LAMA2: variants seen among roughly 807,000 people sequenced by gnomAD.
The protein encoded by LAMA2 is laminin subunit alpha-2.
Under a neutral mutation model 364.8 loss-of-function variants are expected in LAMA2, and 269 were observed. The ratio of observed to expected loss-of-function variants is 0.74; its 90% CI spans 0.67 to 0.82. The LOEUF is 0.82. LAMA2 is among the 40% of genes least tolerant of loss of function. The pLI is 0.00. For synonymous variants in LAMA2, 1,379 were observed against 1,370.6 expected, an observed-to-expected ratio of 1.01 and a Z score of -0.14; for missense variants, 3,807 against 3,873.2, an observed-to-expected ratio of 0.98 and a Z score of 0.45.
rs189745114 is a variant in LAMA2, at chr6:129,510,989, A to G, written c.8858-1374A>G. ...AGATGGCTGGCATTCTCTTAGTCAA[A>G]TTTTATGACAAGTTTCAGCTTCAGC... On this transcript the variant is annotated intron_variant, in intron 62 of 64. Transcript: ENST00000421865. Among the ~76,000 whole-genome samples the G allele has an allele frequency of 3.9e-5, 6 of 152,256 alleles. No homozygotes were observed. The East Asian group carries it at 1.2e-3, about 29-fold the overall frequency.
intron 9 of LAMA2, among the ~76,000 whole-genome samples, chr6:129,172,823 G>C (rs1780287315): frequency 6.6e-6 from 1 of 152,252 alleles, no homozygotes. Context: ...CAATCAGCGA[G>C]ACTCCATGGG....
intron 8 of LAMA2, among the ~76,000 whole-genome samples, chr6:129,156,522 T>TC (rs112812762): frequency 0.023 from 3,422 of 149,768 alleles, 128 homozygotes; most frequent in African/African-American, 0.08. Flanking sequence ...ATCCTTAATT[T>TC]CTTTTTTTTT....
At chr6:129,036,017 G>A (rs1786617446) in intron 1 of LAMA2, among the ~76,000 whole-genome samples, 1 of 152,060 alleles carries the variant, frequency 6.6e-6, no homozygotes, top group South Asian at 2.1e-4. Flanking sequence ...CTAATTCTGT[G>A]AAAAATGACA....
Position 129,315,858 on chromosome 6 carries a change from G to T in LAMA2, c.3832G>T (p.Gly1278Cys), listed in dbSNP as rs571035066. Residue 1278 changes from glycine to cysteine, a missense_variant, in exon 26 of 65, where the codon GGT becomes TGT. This residue lies in a region of LAMA2 where 3,333 missense variants were observed against 3,345.7 expected (regional missense o/e 1.00). Transcript: ENST00000421865. ...STYNPQVIIR[G>C]GTPTHARIIV... ...ATATAATCCTCAAGTGATCATTCGA[G>T]GTGGGACACCTACTCATGCTAGAAT... The T allele has an allele frequency of 6.2e-7, 1 of 1,613,946 alleles. No homozygotes were observed. Among genetic ancestry groups the T allele is most frequent in the Non-Finnish European group, 8.5e-7 (1 of 1,179,972 alleles).
chr6:129,196,034 A>G (rs1306463246), intron 12 of LAMA2, among the ~76,000 whole-genome samples: 1 of 152,142 alleles, frequency 6.6e-6, no homozygotes, highest in African/African-American at 2.4e-5. Flanking sequence ...AAGGTTTGAA[A>G]TTCTCTCTCT....
chr6:129,008,253 C>T (rs1186027346), intron 1 of LAMA2, among the ~76,000 whole-genome samples: 2 of 151,978 alleles, frequency 1.3e-5, no homozygotes, highest in East Asian at 1.9e-4. Context: ...AAGCATTGCT[C>T]TCCATCTCTT....
At chr6:129,317,610 ATACT>A (rs1774693068) in intron 27 of LAMA2, among the ~76,000 whole-genome samples, 1 of 118,106 alleles carries the variant, frequency 8.5e-6, no homozygotes, top group African/African-American at 3.5e-5. Context: ...TAAAAAAAAT[ATACT>A]TAAAAAACGC....
chr6:128,938,704 G>A (rs1285083715), intron 1 of LAMA2, among the ~76,000 whole-genome samples: 3 of 152,080 alleles, frequency 2.0e-5, no homozygotes, highest in Non-Finnish European at 4.4e-5. Context: ...ATTTTTGCTT[G>A]GTTTTGATTG....
chr6:129,195,480 T>TA (rs1166439131), intron 12 of LAMA2, among the ~76,000 whole-genome samples: 1 of 152,230 alleles, frequency 6.6e-6, no homozygotes, highest in African/African-American at 2.4e-5. Context: ...TATGTGTGGA[T>TA]AATGGATGAG....
Position 128,979,361 on chromosome 6 carries a change from A to G in LAMA2, c.113-70557A>G, listed in dbSNP as rs1163638309. On this transcript the variant is annotated intron_variant, in intron 1 of 64. Transcript: ENST00000421865. ...TTGGAGACTTTAGCAATGCCTAGTC[A>G]GCAAGCATCAGTGTACTTTAGACAT... Among the ~76,000 whole-genome samples the G allele has an allele frequency of 2.0e-5, 3 of 152,326 alleles. No individual in the cohort carries two copies. In the East Asian group the frequency reaches 5.8e-4, roughly 29 times the overall value.
intron 1 of LAMA2, among the ~76,000 whole-genome samples, chr6:129,009,792 C>A (rs893090524): frequency 6.6e-6 from 1 of 152,144 alleles, no homozygotes; most frequent in Non-Finnish European, 1.5e-5. Context: ...CACCAGATGA[C>A]CTTCCCTATA....
In LAMA2 at chr6:129,066,038, G is replaced by GTATGTCTTTTTTTTTTTTTTTT. The variant is rs59543848; in HGVS notation, c.396+6143_396+6144insATGTCTTTTTTTTTTTTTTTTT. Among the ~76,000 whole-genome samples the GTATGTCTTTTTTTTTTTTTTTT allele has an allele frequency of 1.6e-3, 59 of 37,110 alleles. 5 individuals carry two copies. The highest frequency in any genetic ancestry group is 0.024 in the Middle Eastern group (1 of 42). 24.3% of individuals were successfully genotyped at this position (37,110 alleles called of 152,430 possible). A position where few individuals can be genotyped will look rare whatever the true frequency, so the allele number is the denominator to read the frequency against. On this transcript the variant is annotated intron_variant, in intron 3 of 64. Coordinates refer to ENST00000421865, the MANE Select transcript of LAMA2 (RefSeq NM_000426.4). Reference sequence around the variant, plus strand: ...TCTTTTGTAAATTGCCCAGTCTCAGGTTTTTTTTTTTTTTTTTTTTTTTTT... The same window carrying GTATGTCTTTTTTTTTTTTTTTT: ...TCTTTTGTAAATTGCCCAGTCTCAGGTATGTCTTTTTTTTTTTTTTTTTTTTTTTTTTTTTTTTTTTTTTTTT...
chr6:129,158,629 T>G, intron 8 of LAMA2: 2 of 1,614,146 alleles, frequency 1.2e-6, no homozygotes, highest in South Asian at 2.2e-5. Flanking sequence ...ATCATAGCAA[T>G]TATGCAGACA....
chr6:129,454,242 G>C lies in LAMA2; in HGVS notation c.6661G>C (p.Asp2221His), dbSNP rs762627851. ...GSGVGRVEYPDLTIDDSYWYR... is the reference protein window; with the variant it reads ...GSGVGRVEYPHLTIDDSYWYR... Reference sequence around the variant, plus strand: ...TGGAGTTGGACGTGTAGAGTACCCAGATTTGACTATTGATGACTCATATTG... The same window carrying C: ...TGGAGTTGGACGTGTAGAGTACCCACATTTGACTATTGATGACTCATATTG... The change falls in exon 47 of 65, where the codon GAT becomes CAT. Residue 2221 changes from aspartate to histidine, a missense_variant. Physicochemically the swap from Asp to His is moderately conservative, Grantham distance 81. Transcript: ENST00000421865. The C allele has an allele frequency of 8.1e-6, 13 of 1,612,600 alleles. No homozygotes were observed. In the Admixed American group the frequency reaches 2.0e-4, roughly 25 times the overall value.
In LAMA2 at chr6:129,330,458, A is replaced by G. The variant is rs562210135; in HGVS notation, c.4311+2046A>G. On this transcript the variant is annotated intron_variant, in intron 29 of 64. Transcript: ENST00000421865. ...TGCTGATTTTCCCTGTCTAATTGTC[A>G]TTTTCCCTAGCACTACTCCTGTCAT... Among the ~76,000 whole-genome samples the G allele has an allele frequency of 1.3e-4, 19 of 151,486 alleles. No homozygotes were observed. In the East Asian group the frequency reaches 1.8e-3, roughly 14 times the overall value.
intron 9 of LAMA2, among the ~76,000 whole-genome samples, chr6:129,175,512 G>A (rs1489268163): frequency 6.6e-6 from 1 of 152,198 alleles, no homozygotes; most frequent in Admixed American, 6.5e-5. Context: ...TTCATAAATT[G>A]AATTACATAG....
chr6:129,017,200 C>T (rs761235159), intron 1 of LAMA2, among the ~76,000 whole-genome samples: 3 of 151,846 alleles, frequency 2.0e-5, no homozygotes, highest in Non-Finnish European at 4.4e-5. Context: ...ATTATTTTAA[C>T]CGTTTTGTAA....
intron 1 of LAMA2, among the ~76,000 whole-genome samples, chr6:129,027,119 C>CT (rs1211310932): frequency 6.6e-6 from 1 of 152,012 alleles, no homozygotes; most frequent in Non-Finnish European, 1.5e-5. Flanking sequence ...AATGAACAAA[C>CT]TTTGAGAACA....
At chr6:129,117,277 A>G (rs1372684250) in intron 4 of LAMA2, among the ~76,000 whole-genome samples, 2 of 152,232 alleles carry the variant, frequency 1.3e-5, no homozygotes, top group East Asian at 3.8e-4. Flanking sequence ...GCAAAGGACA[A>G]TATTACTTGC....
Sources: allele counts gnomAD v4.1 joint callset (sites outside exome capture counted in the v4.1 genomes callset), GRCh38; gene constraint gnomAD v4.1.1; regional missense constraint gnomAD v4.1.1; transcripts MANE v1.5; gene names NCBI Gene and HGNC (gene_info 2026-07-23, HGNC 2026-07-21).